TRIM69: variants seen among roughly 807,000 people sequenced by gnomAD.
TRIM69 encodes tripartite motif containing 69.
A neutral mutation model predicts 37.7 loss-of-function variants in TRIM69; 29 were observed. The observed-to-expected ratio is 0.77, with a 90% CI of 0.57 to 1.05. The LOEUF (loss-of-function observed/expected upper bound fraction) is 1.05, where lower values mean the gene tolerates loss of function less well. Among genes scored for constraint, TRIM69 ranks in the 50% least tolerant of loss-of-function variants. The pLI, the probability that TRIM69 is intolerant of heterozygous loss-of-function variation, is 0.00. For missense variants in TRIM69, 596 were observed against 579.9 expected (o/e 1.03, Z -0.28); for synonymous variants, 209 against 212.4 (o/e 0.98, Z 0.14).
rs575691280 is a variant in TRIM69, at chr15:44,736,531, C to A, written c.-174C>A. On this transcript the variant is annotated 5_prime_UTR_variant, in exon 1 of 7. Coordinates refer to ENST00000329464, the MANE Select transcript of TRIM69 (RefSeq NM_182985.5). ...ACAAACTGTCACGGAATCTGCCAGA[C>A]CTCACTCTGGCCTTGCTGCTTCTCT... 3.4e-6 allele frequency: 2 copies of A among 584,160 alleles called. No homozygotes were observed. Among genetic ancestry groups the A allele is most frequent in the East Asian group, 3.2e-5 (1 of 30,906 alleles). The allele number at this position is 584,160 out of a possible 1,614,324, so 36.2% of individuals were successfully genotyped here. A position where few individuals can be genotyped will look rare whatever the true frequency, so the allele number is the denominator to read the frequency against.
At chr15:44,761,206 C>A (rs1176843575) in intron 6 of TRIM69, among the ~76,000 whole-genome samples, 1 of 152,222 alleles carries the variant, frequency 6.6e-6, no homozygotes, top group Non-Finnish European at 1.5e-5. Context: ...GTATGAGCCA[C>A]TGCGCCAGGC....
At chr15:44,748,664 A>G (rs2087457592) in intron 1 of TRIM69, among the ~76,000 whole-genome samples, 1 of 151,556 alleles carries the variant, frequency 6.6e-6, no homozygotes, top group Non-Finnish European at 1.5e-5. Context: ...GTCTCCACTA[A>G]AAATACAAAA....
chr15:44,740,145 C>T (rs1221364706), intron 1 of TRIM69, among the ~76,000 whole-genome samples: 1 of 152,232 alleles, frequency 6.6e-6, no homozygotes, highest in Non-Finnish European at 1.5e-5. Flanking sequence ...CTCTAGCAAA[C>T]TCCAATAGAC....
chr15:44,756,597 C>T, intron 3 of TRIM69, 134 bp downstream of exon 3: 2 of 616,778 alleles, frequency 3.2e-6, no homozygotes, highest in Non-Finnish European at 5.7e-6. Flanking sequence ...AATTGGAAAA[C>T]TGAGTCTGTA....
At chr15:44,746,274 G>A (rs1478765564) in intron 1 of TRIM69, among the ~76,000 whole-genome samples, 3 of 152,106 alleles carry the variant, frequency 2.0e-5, no homozygotes, top group Non-Finnish European at 4.4e-5. Flanking sequence ...TTTCCAATAT[G>A]AAGAAGAATT....
intron 1 of TRIM69, among the ~76,000 whole-genome samples, chr15:44,740,746 A>G (rs1381821303): frequency 6.6e-6 from 1 of 151,514 alleles, no homozygotes; most frequent in Non-Finnish European, 1.5e-5. Context: ...TAAAGGGATC[A>G]ATTCAACAAG....
At chr15:44,750,264 C>T (rs1566892841) in intron 1 of TRIM69, among the ~76,000 whole-genome samples, 1 of 152,162 alleles carries the variant, frequency 6.6e-6, no homozygotes, top group Non-Finnish European at 1.5e-5. Context: ...AAGCTATCCT[C>T]ACAGAATGAA....
chr15:44,758,004 T>C (rs2087687477), intron 3 of TRIM69: 1 of 153,378 alleles, frequency 6.5e-6, no homozygotes, highest in Admixed American at 6.5e-5. Context: ...GTGAGCCTGG[T>C]GCATAAAAAG....
At chr15:44,753,657 T>A (rs1224786052) in intron 1 of TRIM69, 1 of 152,176 alleles carries the variant, frequency 6.6e-6, no homozygotes, top group Non-Finnish European at 1.5e-5. Context: ...TTGGAGTTTG[T>A]TGAGCTTCTT....
At chr15:44,746,748 G>A (rs906049196) in intron 1 of TRIM69, among the ~76,000 whole-genome samples, 51 of 41,070 alleles carry the variant, frequency 1.2e-3, no homozygotes, top group Admixed American at 5.0e-3. Flanking sequence ...GCACGTGCAC[G>A]TGCACACACA....
chr15:44,746,741 C>T (rs917538693), intron 1 of TRIM69, among the ~76,000 whole-genome samples: 5 of 90,652 alleles, frequency 5.5e-5, no homozygotes, highest in Non-Finnish European at 1.2e-4. Context: ...ACTCCCAGCA[C>T]GTGCACGTGC....
chr15:44,764,612 A>T (rs963694667), intron 6 of TRIM69, among the ~76,000 whole-genome samples: 9 of 152,272 alleles, frequency 5.9e-5, no homozygotes, highest in Non-Finnish European at 1.0e-4. Flanking sequence ...GCTACAGACA[A>T]CATATAAATG....
In TRIM69 at chr15:44,767,782, ATAT is replaced by A. The variant is rs1566903675; in HGVS notation, c.*14_*16del. 1.3e-6 allele frequency: 2 copies of A among 1,593,034 alleles called. No individual in the cohort carries two copies. The highest frequency in any genetic ancestry group is 4.5e-5 in the East Asian group (2 of 44,680). Reference sequence around the variant, plus strand: ...CTTACATCCACAGTAATGAGTCATAATATTATACAAATTCAGAGTGTTATTAAA... The same window carrying A: ...CTTACATCCACAGTAATGAGTCATAATATACAAATTCAGAGTGTTATTAAA... On this transcript the variant is annotated 3_prime_UTR_variant, in exon 7 of 7. Coordinates refer to ENST00000329464, the MANE Select transcript of TRIM69 (RefSeq NM_182985.5).
At position 44,767,816 on chromosome 15, in the gene TRIM69, A is replaced by T. The variant is rs3100143; in HGVS notation, c.*44A>T. ...AAATTCAGAGTGTTATTAAAGAGGT[A>T]TTGAAATATTTTACCAGTCTCACTG... is the stretch of plus-strand genomic sequence containing the variant. On this transcript the variant is annotated 3_prime_UTR_variant, in exon 7 of 7. Coordinates refer to ENST00000329464, the MANE Select transcript of TRIM69 (RefSeq NM_182985.5). 1,341,026 of 1,526,058 alleles carry T rather than the reference A, an allele frequency of 0.88. 590,669 individuals carry two copies. Among genetic ancestry groups the T allele is most frequent in the Non-Finnish European group, 0.89 (1,015,515 of 1,137,622 alleles). 94.5% of individuals were successfully genotyped at this position (1,526,058 alleles called of 1,614,324 possible).
intron 3 of TRIM69, 63 bp from the exon 4 acceptor site, chr15:44,758,558 G>C (rs947708347): frequency 1.9e-6 from 3 of 1,592,032 alleles, no homozygotes; most frequent in Non-Finnish European, 2.6e-6. Context: ...TTGGTGGTGT[G>C]GGCCCCCATC....
intron 1 of TRIM69, among the ~76,000 whole-genome samples, chr15:44,737,609 G>T (rs2087189262): frequency 6.6e-6 from 1 of 152,146 alleles, no homozygotes; most frequent in Non-Finnish European, 1.5e-5. Flanking sequence ...GAATTAAATG[G>T]CTTAAAATTT....
chr15:44,752,676 T>C lies in TRIM69; in HGVS notation c.7-2224T>C, dbSNP rs370497656. On this transcript the variant is annotated intron_variant, in intron 1 of 6. Coordinates refer to ENST00000329464, the MANE Select transcript of TRIM69 (RefSeq NM_182985.5). Reference sequence around the variant, plus strand: ...CATTTTGTTATTTTCTGTATGTGCTTTTTTGTTTCTAAATTCCTTCATTAC... The same window carrying C: ...CATTTTGTTATTTTCTGTATGTGCTCTTTTGTTTCTAAATTCCTTCATTAC... Among the ~76,000 whole-genome samples, 6 of 152,324 alleles carry C rather than the reference T, an allele frequency of 3.9e-5. No homozygotes were observed. In the East Asian group the frequency reaches 9.6e-4, roughly 24 times the overall value.
chr15:44,755,163 T>C lies in TRIM69; in HGVS notation c.270T>C (p.Cys90=), dbSNP rs1230451442. ...AGATGCTATGTCAGTATAACAACTG[T>C]ACATTCAACCCTGTACTGGACAAGT... ...ECKMLCQYNN[C]TFNPVLDKLV... Residue 90 remains cysteine, a synonymous_variant, in exon 2 of 7, where the codon TGT becomes TGC. Coordinates refer to ENST00000329464, the MANE Select transcript of TRIM69 (RefSeq NM_182985.5). 8 of 1,614,094 alleles carry C rather than the reference T, an allele frequency of 5.0e-6. No homozygotes were observed. In the Admixed American group the frequency reaches 6.7e-5, roughly 13 times the overall value.
At position 44,736,587 on chromosome 15, in the gene TRIM69, T is replaced by G. The variant is rs889446329; in HGVS notation, c.-118T>G. On this transcript the variant is annotated 5_prime_UTR_variant, in exon 1 of 7. An upstream start codon of the reference 5' UTR is lost. Coordinates refer to ENST00000329464, the MANE Select transcript of TRIM69 (RefSeq NM_182985.5). ...TCCTGAACTTTTCTTTCTTCCATCA[T>G]GCTCTGAGCCCATTCCTTGAAAACT... 6 of 1,229,224 alleles carry G rather than the reference T, an allele frequency of 4.9e-6. No homozygotes were observed. The highest frequency in any genetic ancestry group is 6.8e-6 in the Non-Finnish European group (6 of 883,078). The allele number at this position is 1,229,224 out of a possible 1,614,324, so 76.1% of individuals were successfully genotyped here.
Sources: gnomAD v4.1 joint callset for allele counts (sites outside exome capture counted in the v4.1 genomes callset) on GRCh38, gnomAD v4.1.1 for gene constraint, MANE v1.5 for transcripts, NCBI Gene and HGNC (gene_info 2026-07-23, HGNC 2026-07-21) for gene names.